Variants in MINDY2 observed in about 807,000 individuals in gnomAD.
MINDY2 encodes the protein ubiquitin carboxyl-terminal hydrolase MINDY-2.
In MINDY2, 52 loss-of-function variants were observed where a neutral mutation model predicts 68.2. The observed-to-expected ratio is 0.76, with a 90% CI of 0.61 to 0.96. The LOEUF (loss-of-function observed/expected upper bound fraction) is 0.96. MINDY2 is among the 40% of genes least tolerant of loss of function. The probability of loss-of-function intolerance (pLI) is 0.00; values close to 1 mark genes in which losing one functional copy is unlikely to be tolerated. For missense variants in MINDY2, 881 were observed against 773.4 expected (o/e 1.14, Z -1.65); for synonymous variants, 372 against 303.0 (o/e 1.23, Z -2.36).
intron 6 of MINDY2, among the ~76,000 whole-genome samples, chr15:58,839,867 C>G (rs2032192517): frequency 6.7e-6 from 1 of 148,184 alleles, no homozygotes; most frequent in Non-Finnish European, 1.5e-5. Flanking sequence ...GAGTCTCACT[C>G]TGTCACCCAG....
intron 6 of MINDY2, among the ~76,000 whole-genome samples, chr15:58,840,911 G>C (rs1234404348): frequency 6.8e-6 from 1 of 146,036 alleles, no homozygotes; most frequent in East Asian, 2.0e-4. Context: ...CTCGTGATCT[G>C]CCTGACTCGG....
chr15:58,792,549 T>G (rs1902016174), intron 2 of MINDY2, among the ~76,000 whole-genome samples: 1 of 152,072 alleles, frequency 6.6e-6, no homozygotes, highest in African/African-American at 2.4e-5. Context: ...GACGTTGCAG[T>G]GAGCCGAGAT....
intron 6 of MINDY2, among the ~76,000 whole-genome samples, chr15:58,842,956 G>A (rs1202685014): frequency 1.3e-5 from 2 of 152,090 alleles, no homozygotes; most frequent in Non-Finnish European, 2.9e-5. Flanking sequence ...TCTCTGGGTG[G>A]ATAAGAAAGT....
chr15:58,784,406 A>T (rs1168976932), intron 1 of MINDY2, among the ~76,000 whole-genome samples: 1 of 152,170 alleles, frequency 6.6e-6, no homozygotes, highest in Non-Finnish European at 1.5e-5. Context: ...CCTAGATAAT[A>T]AAAATTTATT....
rs895609789 is a variant in MINDY2 at position 58,858,343 on chromosome 15, C to T, written c.*3733C>T. The T allele has an allele frequency of 8.5e-5, 13 of 152,270 alleles. No homozygotes were observed. The East Asian group carries it at 2.1e-3, about 25-fold the overall frequency. 9.4% of individuals were successfully genotyped at this position (152,270 alleles called of 1,614,324 possible). A position where few individuals can be genotyped will look rare whatever the true frequency, so the allele number is the denominator to read the frequency against. Reference sequence around the variant, plus strand: ...ATCATATTTCAAGTTCTTTCTCATACTTCTTGATCTTGGCTTAACTAAGCA... The same window carrying T: ...ATCATATTTCAAGTTCTTTCTCATATTTCTTGATCTTGGCTTAACTAAGCA... On this transcript the variant is annotated 3_prime_UTR_variant, in exon 9 of 9. Coordinates refer to ENST00000559228, the MANE Select transcript of MINDY2 (RefSeq NM_001040450.3).
chr15:58,799,986 T>TA (rs1476629839), intron 2 of MINDY2, among the ~76,000 whole-genome samples: 24 of 152,302 alleles, frequency 1.6e-4, no homozygotes, highest in Admixed American at 1.4e-3. Flanking sequence ...AGAAAAATAA[T>TA]AGAGATGGTG....
chr15:58,831,743 T>A, intron 5 of MINDY2, 31 bp from the exon 6 acceptor site: 1 of 1,558,686 alleles, frequency 6.4e-7, no homozygotes, highest in Non-Finnish European at 8.7e-7. Flanking sequence ...GAAATTATTC[T>A]TCTATCTAAT....
intron 1 of MINDY2, among the ~76,000 whole-genome samples, chr15:58,776,641 C>T (rs1900789891): frequency 6.6e-6 from 1 of 152,106 alleles, no homozygotes; most frequent in Non-Finnish European, 1.5e-5. Context: ...ATCCTCAGTT[C>T]TCTTTAGAGG....
chr15:58,795,718 T>C (rs1217550800), intron 2 of MINDY2, among the ~76,000 whole-genome samples: 1 of 152,216 alleles, frequency 6.6e-6, no homozygotes, highest in African/African-American at 2.4e-5. Context: ...GTATGTGTTT[T>C]TTTGTACTGT....
At chr15:58,828,044 C>T (rs1333156804) in intron 5 of MINDY2, among the ~76,000 whole-genome samples, 1 of 151,656 alleles carries the variant, frequency 6.6e-6, no homozygotes, top group East Asian at 2.0e-4. Flanking sequence ...ACCAGCCTGG[C>T]CAACATGGTG....
chr15:58,789,885 G>C (rs1901773328), intron 2 of MINDY2, among the ~76,000 whole-genome samples: 1 of 152,132 alleles, frequency 6.6e-6, no homozygotes, highest in Non-Finnish European at 1.5e-5. Flanking sequence ...GACCTCAGGT[G>C]ATCCGCCCAC....
At chr15:58,832,766 A>C (rs2031803184) in intron 6 of MINDY2, among the ~76,000 whole-genome samples, 1 of 151,864 alleles carries the variant, frequency 6.6e-6, no homozygotes, top group Non-Finnish European at 1.5e-5. Context: ...ACCTCAGATG[A>C]TAGCCCGCCT....
At chr15:58,794,446 C>T (rs1902153547) in intron 2 of MINDY2, among the ~76,000 whole-genome samples, 1 of 150,066 alleles carries the variant, frequency 6.7e-6, no homozygotes, top group Non-Finnish European at 1.5e-5. Context: ...AACAGACAGG[C>T]AGGGTATTGG....
At chr15:58,851,351 C>A (rs1197271463) in intron 7 of MINDY2, among the ~76,000 whole-genome samples, 1 of 152,270 alleles carries the variant, frequency 6.6e-6, no homozygotes, top group East Asian at 1.9e-4. Flanking sequence ...AGGAAGATAA[C>A]TGTCATTTTA....
At chr15:58,829,009 A>C (rs2031572973) in intron 5 of MINDY2, among the ~76,000 whole-genome samples, 1 of 152,202 alleles carries the variant, frequency 6.6e-6, no homozygotes, top group African/African-American at 2.4e-5. Context: ...ATTGAGATTT[A>C]ATGTGAATGT....
intron 3 of MINDY2, among the ~76,000 whole-genome samples, chr15:58,803,817 A>G (rs2266403): frequency 0.048 from 7,280 of 151,212 alleles, 222 homozygotes; most frequent in East Asian, 0.094. Context: ...CTCTGCCTCA[A>G]AAAATAAGAG....
intron 6 of MINDY2, among the ~76,000 whole-genome samples, chr15:58,841,706 A>T (rs892353268): frequency 1.3e-5 from 2 of 152,140 alleles, no homozygotes; most frequent in Admixed American, 6.5e-5. Flanking sequence ...CGCCCGGCTG[A>T]TCTGTGCTTT....
chr15:58,799,743 T>C (rs1902516661), intron 2 of MINDY2, among the ~76,000 whole-genome samples: 1 of 152,142 alleles, frequency 6.6e-6, no homozygotes, highest in Admixed American at 6.5e-5. Context: ...CACTAGAATA[T>C]GAGAGCAGAG....
rs899607322 is a variant in MINDY2 at position 58,788,090 on chromosome 15, G to T, written c.898+127G>T. ...ATTTTAAAATTATAGTTTTGAATCT[G>T]CTAATTAAAAATTTTTATCAGTATG... is the stretch of plus-strand genomic sequence containing the variant. On this transcript the variant is annotated intron_variant, in intron 2 of 8. Transcript: ENST00000559228. 2.7e-5 allele frequency: 16 copies of T among 582,694 alleles called. No homozygotes were observed. In the East Asian group the frequency reaches 5.3e-4, roughly 19 times the overall value. The allele number at this position is 582,694 out of a possible 1,614,324, so 36.1% of individuals were successfully genotyped here.
Sources: gnomAD v4.1 joint callset for allele counts (sites outside exome capture counted in the v4.1 genomes callset) on GRCh38, gnomAD v4.1.1 for gene constraint, MANE v1.5 for transcripts, NCBI Gene and HGNC (gene_info 2026-07-23, HGNC 2026-07-21) for gene names.